The following ATP6V0C variants were observed in gnomAD, a reference collection of about 807,000 sequenced individuals.
The protein encoded by ATP6V0C is V-type proton ATPase 16 kDa proteolipid subunit c.
ATP6V0C carries 2 observed loss-of-function variants against 10.6 expected under a neutral mutation model. The ratio of observed to expected loss-of-function variants is 0.19; its 90% CI spans 0.08 to 0.59. ATP6V0C has a LOEUF of 0.59. Among genes scored for constraint, ATP6V0C ranks in the 20% least tolerant of loss-of-function variants. ATP6V0C has a pLI of 0.90. For synonymous variants in ATP6V0C, 128 were observed against 101.3 expected, an observed-to-expected ratio of 1.26 and a Z score of -1.59; for missense variants, 89 against 225.9, an observed-to-expected ratio of 0.39 and a Z score of 3.88.
Position 2,519,740 on chromosome 16 carries a change from A to G in ATP6V0C, c.463A>G (p.Lys155Glu). ...GLIVALILST[K>E] Reference sequence around the variant, plus strand: ...CATCGTCGCCCTCATCCTCTCCACAAAGTAGACCCTCTCCGAGCCCACCAG... The same window carrying G: ...CATCGTCGCCCTCATCCTCTCCACAGAGTAGACCCTCTCCGAGCCCACCAG... Residue 155 changes from lysine (K) to glutamate (E), a missense_variant, in exon 3 of 3, where the codon AAG becomes GAG. Transcript: ENST00000330398. The G allele has an allele frequency of 6.3e-7, 1 of 1,595,728 alleles. No individual in the cohort carries two copies. The highest frequency in any genetic ancestry group is 8.6e-7 in the Non-Finnish European group (1 of 1,167,268).
chr16:2,519,449 A>AG lies in ATP6V0C; in HGVS notation c.263+54dup, dbSNP rs763510837. On this transcript the variant is annotated intron_variant, in intron 2 of 2. Transcript: ENST00000330398. The stretch of plus-strand genomic sequence containing the variant: ...TGCCCAGGGCTGGAGGACTGCAGGG[A>AG]GGGGGGCGGTTCACCTGTGGGTGGT... 9 of 1,575,838 alleles carry AG rather than the reference A, an allele frequency of 5.7e-6. No homozygotes were observed. The South Asian group carries it at 8.1e-5, about 14-fold the overall frequency.
rs553859368 is a variant in ATP6V0C, at chr16:2,516,483, C to A, written c.79+2301C>A. On this transcript the variant is annotated intron_variant, in intron 1 of 2. Coordinates refer to ENST00000330398, the MANE Select transcript of ATP6V0C (RefSeq NM_001694.4). ...ACCTGGCTTCACCTGCTGTGCCGAC[C>A]TAAACAAGCCCCCTGCCCTCCAGTG... is the stretch of plus-strand genomic sequence containing the variant. 3.6e-4 allele frequency among the ~76,000 whole-genome samples: 55 copies of A among 152,300 alleles called. No individual in the cohort carries two copies. The Middle Eastern group carries it at 0.01, about 28-fold the overall frequency.
Position 2,519,622 on chromosome 16 carries a change from C to T in ATP6V0C, c.345C>T (p.Asp115=), listed in dbSNP as rs149144429. 9.4e-6 allele frequency: 15 copies of T among 1,601,380 alleles called. No individual in the cohort carries two copies. The African/African-American group carries it at 1.6e-4, about 17-fold the overall frequency. ...GCTTTGCCATCGGCATCGTGGGGGA[C>T]GCTGGCGTGCGGGGCACCGCCCAGC... ...AAGFAIGIVG[D]AGVRGTAQQP... Residue 115 remains aspartate (D), a synonymous_variant, in exon 3 of 3, where the codon GAC becomes GAT. Transcript: ENST00000330398.
chr16:2,514,008 GC>G lies in ATP6V0C; in HGVS notation c.-94del. 1 of 1,187,690 alleles carries G rather than the reference GC, an allele frequency of 8.4e-7. No individual in the cohort carries two copies. Among genetic ancestry groups the G allele is most frequent in the South Asian group, 1.5e-5 (1 of 68,616 alleles). The allele number at this position is 1,187,690 out of a possible 1,614,324, so 73.6% of individuals were successfully genotyped here. The stretch of plus-strand genomic sequence containing the variant: ...GCTGACGGGCCGGATCGCCTTCGCC[GC>G]CGCCCGCCCGCAAACCTTCGTGCCC... On this transcript the variant is annotated 5_prime_UTR_variant, in exon 1 of 3. Transcript: ENST00000330398.
At chr16:2,514,299 G>C (rs1421984849) in intron 1 of ATP6V0C, 117 bp downstream of exon 1, 1 of 1,166,106 alleles carries the variant, frequency 8.6e-7, no homozygotes, top group Admixed American at 3.6e-5. Context: ...TGTCGGGGGC[G>C]CCCGGGCCTC....
chr16:2,515,818 C>T (rs1275509703), intron 1 of ATP6V0C, among the ~76,000 whole-genome samples: 2 of 152,172 alleles, frequency 1.3e-5, no homozygotes, highest in Non-Finnish European at 2.9e-5. Flanking sequence ...AATGGGATCC[C>T]CGCCCATGTG....
At position 2,520,002 on chromosome 16, in the gene ATP6V0C, A is replaced by G. The variant is rs1567125026; in HGVS notation, c.*257A>G. ...CTAGAGTGCTCTGTGTATGCGGATG[A>G]TTTAGAATTGTCATTTCTCTTTACT... On this transcript the variant is annotated 3_prime_UTR_variant, in exon 3 of 3. Transcript: ENST00000330398. 3 of 689,112 alleles carry G rather than the reference A, an allele frequency of 4.4e-6. No homozygotes were observed. The highest frequency in any genetic ancestry group is 7.9e-6 in the Non-Finnish European group (3 of 379,672). The allele number at this position is 689,112 out of a possible 1,614,324, so 42.7% of individuals were successfully genotyped here.
chr16:2,514,883 C>T (rs2141889243), intron 1 of ATP6V0C, among the ~76,000 whole-genome samples: 1 of 152,270 alleles, frequency 6.6e-6, no homozygotes, highest in Non-Finnish European at 1.5e-5. Flanking sequence ...AGCGGGGAGA[C>T]AGCAGCATCG....
Position 2,514,039 on chromosome 16 carries a change from C to A in ATP6V0C, c.-65C>A. 1 of 1,449,124 alleles carries A rather than the reference C, an allele frequency of 6.9e-7. No individual in the cohort carries two copies. The highest frequency in any genetic ancestry group is 1.5e-5 in the African/African-American group (1 of 67,938). The allele number at this position is 1,449,124 out of a possible 1,614,324, so 89.8% of individuals were successfully genotyped here. A position where few individuals can be genotyped will look rare whatever the true frequency, so the allele number is the denominator to read the frequency against. On this transcript the variant is annotated 5_prime_UTR_variant, in exon 1 of 3. Transcript: ENST00000330398. The stretch of plus-strand genomic sequence containing the variant: ...CGCCCGCAAACCTTCGTGCCCGGCC[C>A]GTCCTCGCCCCCGCCTCCGCCACCG...
chr16:2,517,188 T>G (rs1307064312), intron 1 of ATP6V0C: 1 of 152,420 alleles, frequency 6.6e-6, no homozygotes, highest in Non-Finnish European at 1.5e-5. Context: ...GTAATTGCTC[T>G]ATATGCTTGC....
In ATP6V0C at chr16:2,519,977, C is replaced by G; in HGVS notation, c.*232C>G. ...CTCCAGGCCCCCGGCGCCCCACCCC[C>G]TAGAGTGCTCTGTGTATGCGGATGA... On this transcript the variant is annotated 3_prime_UTR_variant, in exon 3 of 3. Coordinates refer to ENST00000330398, the MANE Select transcript of ATP6V0C (RefSeq NM_001694.4). The G allele has an allele frequency of 1.4e-6, 1 of 703,894 alleles. No homozygotes were observed. 43.6% of individuals were successfully genotyped at this position (703,894 alleles called of 1,614,324 possible). A position where few individuals can be genotyped will look rare whatever the true frequency, so the allele number is the denominator to read the frequency against.
In ATP6V0C at chr16:2,519,820, C is replaced by T; in HGVS notation, c.*75C>T. On this transcript the variant is annotated 3_prime_UTR_variant, in exon 3 of 3. Transcript: ENST00000330398. Reference sequence around the variant, plus strand: ...CCTCATTCCAGAACGAACAGCCTGACACATACGCACGGGGCCGCCGCCCCC... The same window carrying T: ...CCTCATTCCAGAACGAACAGCCTGATACATACGCACGGGGCCGCCGCCCCC... 1.9e-6 allele frequency: 3 copies of T among 1,558,940 alleles called. No individual in the cohort carries two copies. The highest frequency in any genetic ancestry group is 1.1e-5 in the South Asian group (1 of 89,456).
chr16:2,519,824 T>A lies in ATP6V0C; in HGVS notation c.*79T>A. On this transcript the variant is annotated 3_prime_UTR_variant, in exon 3 of 3. Coordinates refer to ENST00000330398, the MANE Select transcript of ATP6V0C (RefSeq NM_001694.4). ...ATTCCAGAACGAACAGCCTGACACA[T>A]ACGCACGGGGCCGCCGCCCCCAGTA... is the stretch of plus-strand genomic sequence containing the variant. 6.4e-7 allele frequency: 1 copy of A among 1,550,998 alleles called. No homozygotes were observed. The highest frequency in any genetic ancestry group is 8.9e-7 in the Non-Finnish European group (1 of 1,128,958).
intron 1 of ATP6V0C, chr16:2,518,948 G>A (rs1276866039): frequency 2.0e-5 from 9 of 449,558 alleles, no homozygotes; most frequent in East Asian, 7.6e-5. Flanking sequence ...GGGTCACGCC[G>A]CCCCAAGAGC....
intron 1 of ATP6V0C, 94 bp from the exon 2 acceptor site, chr16:2,519,124 G>A: frequency 8.1e-6 from 11 of 1,354,868 alleles, no homozygotes; most frequent in Non-Finnish European, 9.8e-6. Context: ...ATAACTTGGG[G>A]TGGCCCTTGG....
rs773434350 is a variant in ATP6V0C at position 2,519,451 on chromosome 16, G to C, written c.263+50G>C. ...CCCAGGGCTGGAGGACTGCAGGGAG[G>C]GGGGCGGTTCACCTGTGGGTGGTGA... On this transcript the variant is annotated intron_variant, in intron 2 of 2. Transcript: ENST00000330398. 8.3e-6 allele frequency: 13 copies of C among 1,574,576 alleles called. No homozygotes were observed. The East Asian group carries it at 9.0e-5, about 11-fold the overall frequency.
Position 2,519,789 on chromosome 16 carries a change from A to C in ATP6V0C, c.*44A>C. On this transcript the variant is annotated 3_prime_UTR_variant, in exon 3 of 3. Coordinates refer to ENST00000330398, the MANE Select transcript of ATP6V0C (RefSeq NM_001694.4). The stretch of plus-strand genomic sequence containing the variant: ...AGCCACAGAATATTATGTAAAGACC[A>C]CCCCTCCTCATTCCAGAACGAACAG... 1 of 1,576,638 alleles carries C rather than the reference A, an allele frequency of 6.3e-7. No individual in the cohort carries two copies.
At chr16:2,517,671 C>G (rs544575171) in intron 1 of ATP6V0C, 21 of 152,362 alleles carry the variant, frequency 1.4e-4, no homozygotes, top group African/African-American at 5.1e-4. Context: ...GTCCTGGTCC[C>G]TTCCACCTCT....
In ATP6V0C at chr16:2,515,662, T is replaced by C. The variant is rs558553883; in HGVS notation, c.79+1480T>C. On this transcript the variant is annotated intron_variant, in intron 1 of 2. Transcript: ENST00000330398. ...CCGAGCCCTTCCCCCCAGCCTCCTC[T>C]GTTCTTTGCCCTCAGAATGCCTTCA... 5.3e-5 allele frequency among the ~76,000 whole-genome samples: 8 copies of C among 152,276 alleles called. No individual in the cohort carries two copies. The South Asian group carries it at 1.7e-3, about 32-fold the overall frequency.
Sources: allele counts gnomAD v4.1 joint callset (sites outside exome capture counted in the v4.1 genomes callset), GRCh38; gene constraint gnomAD v4.1.1; transcripts MANE v1.5; gene names NCBI Gene and HGNC (gene_info 2026-07-23, HGNC 2026-07-21).